CRYM: variants seen among roughly 807,000 people sequenced by gnomAD.
CRYM encodes the protein crystallin mu.
Under a neutral mutation model 32.9 loss-of-function variants are expected in CRYM, and 18 were observed. That is an observed-to-expected ratio of 0.55 (90% CI 0.38 to 0.81). The LOEUF (loss-of-function observed/expected upper bound fraction) is 0.81. Ranked by LOEUF, CRYM falls within the 30% of genes least tolerant of loss-of-function variation. The probability of loss-of-function intolerance (pLI) is 0.00; values close to 1 mark genes in which losing one functional copy is unlikely to be tolerated. For synonymous variants in CRYM, 153 were observed against 152.4 expected (o/e 1.00, Z -0.03); for missense variants, 337 against 393.5 (o/e 0.86, Z 1.21).
intron 3 of CRYM, among the ~76,000 whole-genome samples, chr16:21,270,820 C>T (rs1270066234): frequency 6.6e-6 from 1 of 152,120 alleles, no homozygotes; most frequent in Non-Finnish European, 1.5e-5. Context: ...CCTCTAAAGA[C>T]GAATGTAGAA....
intron 5 of CRYM, among the ~76,000 whole-genome samples, chr16:21,264,471 G>A (rs190179848): frequency 1.3e-5 from 2 of 152,302 alleles, no homozygotes; most frequent in East Asian, 3.9e-4. Context: ...AAATGAGTGA[G>A]GGTCGCAGAC....
chr16:21,273,270 G>A (rs2629088), intron 3 of CRYM, among the ~76,000 whole-genome samples: 40,766 of 151,958 alleles, frequency 0.27, 5,910 homozygotes, highest in African/African-American at 0.36. Flanking sequence ...GCCCTAAATA[G>A]AAGAGAAATG....
rs2093388832 is a variant in CRYM, at chr16:21,277,411, C to T, written c.324+20G>A. On this transcript the variant is annotated intron_variant, in intron 2 of 7. Transcript: ENST00000572914. This position sits in a 1 kb window ranked among gnomAD's most constrained non-coding sequence, Gnocchi z 4.2. ...TGGGCCCAGGGGCCCCATTCCACCC[C>T]GGGACAGGAAGTTGCTCACCGCCAG... 1.2e-6 allele frequency: 2 copies of T among 1,611,548 alleles called. No individual in the cohort carries two copies. Among genetic ancestry groups the T allele is most frequent in the Middle Eastern group, 1.7e-4 (1 of 5,818 alleles).
chr16:21,277,625 A>C lies in CRYM; in HGVS notation c.171-41T>G. 1 of 1,609,200 alleles carries C rather than the reference A, an allele frequency of 6.2e-7. No homozygotes were observed. Among genetic ancestry groups the C allele is most frequent in the Non-Finnish European group, 8.5e-7 (1 of 1,177,680 alleles). ...GAGCAGCTTCAGCCCCTTCCCATCA[A>C]TGCTGGGGTCTCTTAGAAAGTATCC... On this transcript the variant is annotated intron_variant, in intron 1 of 7. Transcript: ENST00000572914. This position sits in a 1 kb window ranked among gnomAD's most constrained non-coding sequence, Gnocchi z 4.2.
intron 4 of CRYM, among the ~76,000 whole-genome samples, chr16:21,269,265 C>T (rs1465408014): frequency 6.6e-6 from 1 of 151,778 alleles, no homozygotes; most frequent in Non-Finnish European, 1.5e-5. Context: ...TTTAAAACTG[C>T]TCCATCCCTT....
chr16:21,273,067 G>A (rs867853454), intron 3 of CRYM, among the ~76,000 whole-genome samples: 1 of 151,930 alleles, frequency 6.6e-6, no homozygotes, highest in Admixed American at 6.6e-5. Context: ...CATGCTGAGC[G>A]CAGAACCTTG....
upstream of CRYM, among the ~76,000 whole-genome samples, chr16:21,281,190 A>C (rs143113258): frequency 4.4e-3 from 668 of 151,492 alleles, 2 homozygotes; most frequent in South Asian, 0.013. Context: ...GTATCTATGT[A>C]TCTATATAGA....
intron 1 of CRYM, among the ~76,000 whole-genome samples, chr16:21,290,777 GGATGTATGTCCTTTCAACTGAT>G (rs1343515360): frequency 3.9e-5 from 6 of 152,108 alleles, no homozygotes; most frequent in African/African-American, 1.2e-4. Context: ...GTTTCTCTGA[GGATGTATGTCCTTTCAACTGAT>G]GATATATTCC....
intron 5 of CRYM, among the ~76,000 whole-genome samples, chr16:21,264,710 C>A (rs762734233): frequency 7.2e-5 from 11 of 152,200 alleles, no homozygotes; most frequent in Non-Finnish European, 1.6e-4. Flanking sequence ...AAAATCAAGT[C>A]AGCCCTTCCT....
chr16:21,267,657 C>G lies in CRYM; in HGVS notation c.570G>C (p.Ser190=). The change falls in exon 5 of 8, where the codon TCG becomes TCC. Residue 190 remains serine (S), a synonymous_variant. Transcript: ENST00000572914. ...CTGCACCTGCCACAGCCTCCTGGAC[C>G]GAAGAACAGACCCGTACCTCTCCTT... ...TVQGEVRVCS[S]VQEAVAGADV... is the part of the protein sequence containing the mutation. The G allele has an allele frequency of 2.5e-6, 4 of 1,614,174 alleles. No homozygotes were observed. The highest frequency in any genetic ancestry group is 1.1e-5 in the South Asian group (1 of 91,086).
At chr16:21,295,859 G>A (rs1375871257) in intron 1 of CRYM, among the ~76,000 whole-genome samples, 1 of 151,984 alleles carries the variant, frequency 6.6e-6, no homozygotes, top group Non-Finnish European at 1.5e-5. Flanking sequence ...TTGAACCCAG[G>A]AGATGGAGGC....
In CRYM at chr16:21,295,649, T is replaced by C. The variant is rs2152865629; in HGVS notation, c.-193+7329A>G. 1.3e-5 allele frequency among the ~76,000 whole-genome samples: 2 copies of C among 152,298 alleles called. 1 individual carries two copies. The highest frequency in any genetic ancestry group is 3.9e-4 in the East Asian group (2 of 5,186). On this transcript the variant is annotated intron_variant, in intron 1 of 9. Transcript: ENST00000219599. ...TATTTGTAATATCAAAAAAGAAAAT[T>C]AGGCCAGATGTGGTGGTTCACGTCT...
intron 2 of CRYM, among the ~76,000 whole-genome samples, chr16:21,276,601 A>T (rs969047678): frequency 3.3e-5 from 5 of 152,290 alleles, no homozygotes; most frequent in African/African-American, 1.2e-4. Context: ...ACCTCAACAG[A>T]AATTGGGGGG....
intron 7 of CRYM, among the ~76,000 whole-genome samples, chr16:21,259,829 C>T (rs924754434): frequency 6.6e-6 from 1 of 152,124 alleles, no homozygotes; most frequent in African/African-American, 2.4e-5. Context: ...GTGCTTGATA[C>T]GCATCTGTTA....
At chr16:21,271,632 T>C (rs919547371) in intron 3 of CRYM, among the ~76,000 whole-genome samples, 1 of 152,168 alleles carries the variant, frequency 6.6e-6, no homozygotes, top group Non-Finnish European at 1.5e-5. Flanking sequence ...CTAGAAATCT[T>C]ATGTTGCTGT....
chr16:21,277,030 C>A lies in CRYM; in HGVS notation c.324+401G>T, dbSNP rs770276227. On this transcript the variant is annotated intron_variant, in intron 2 of 7. Transcript: ENST00000572914. The surrounding 1 kb of genome is among the most constrained non-coding windows in gnomAD (Gnocchi z 4.2). ...ATTAAAACAGGTCACACCGTATACC[C>A]CTCTGAAGACTCCCAGGGATTATAG... 1.8e-4 allele frequency among the ~76,000 whole-genome samples: 27 copies of A among 152,176 alleles called. No individual in the cohort carries two copies. The highest frequency in any genetic ancestry group is 1.3e-4 in the Non-Finnish European group (9 of 68,038).
chr16:21,289,380 G>A (rs1464085665), intron 1 of CRYM, among the ~76,000 whole-genome samples: 2 of 152,100 alleles, frequency 1.3e-5, no homozygotes, highest in Non-Finnish European at 2.9e-5. Context: ...TCTGACATTA[G>A]TAGAATCATT....
At chr16:21,275,455 C>T in intron 3 of CRYM, 77 bp downstream of exon 3, 1 of 1,325,896 alleles carries the variant, frequency 7.5e-7, no homozygotes, top group Non-Finnish European at 1.1e-6. Context: ...CCCACTTCTC[C>T]TTTAGTCTCT....
intron 1 of CRYM, among the ~76,000 whole-genome samples, chr16:21,297,659 A>G (rs1960816425): frequency 6.6e-6 from 1 of 152,200 alleles, no homozygotes; most frequent in Non-Finnish European, 1.5e-5. Context: ...ATATAACAAT[A>G]AATAGAACCA....
Sources: gnomAD v4.1 joint callset for allele counts (sites outside exome capture counted in the v4.1 genomes callset) on GRCh38, gnomAD v4.1.1 for gene constraint, Gnocchi (gnomAD v3.1) non-coding constraint, MANE v1.5 for transcripts, NCBI Gene and HGNC (gene_info 2026-07-23, HGNC 2026-07-21) for gene names.